SGCZ: variants seen among roughly 807,000 people sequenced by gnomAD.
SGCZ encodes sarcoglycan zeta.
In SGCZ, 40 loss-of-function variants were observed where a neutral mutation model predicts 41.3. The ratio of observed to expected loss-of-function variants is 0.97; its 90% CI spans 0.75 to 1.26. The LOEUF (loss-of-function observed/expected upper bound fraction) is 1.26, where lower values mean the gene tolerates loss of function less well. SGCZ is among the 50% of genes most tolerant of loss of function. The pLI, the probability that SGCZ is intolerant of heterozygous loss-of-function variation, is 0.00. For synonymous variants in SGCZ, 206 were observed against 137.5 expected (o/e 1.50, Z -3.49); for missense variants, 552 against 369.8 (o/e 1.49, Z -4.04).
intron 1 of SGCZ, among the ~76,000 whole-genome samples, chr8:14,989,987 G>A (rs1371477727): frequency 1.3e-5 from 2 of 152,112 alleles, no homozygotes; most frequent in African/African-American, 4.8e-5. Context: ...GCATGACTGA[G>A]GCACTATTAA....
At chr8:14,473,992 G>T (rs184555673) in intron 2 of SGCZ, among the ~76,000 whole-genome samples, 2 of 151,876 alleles carry the variant, frequency 1.3e-5, no homozygotes, top group Admixed American at 1.3e-4. Context: ...ATACCCCATG[G>T]GTACTAGTTT....
intron 1 of SGCZ, among the ~76,000 whole-genome samples, chr8:14,695,448 T>C (rs1393166557): frequency 1.3e-5 from 2 of 152,228 alleles, no homozygotes; most frequent in East Asian, 1.9e-4. Context: ...AAAAGTACCA[T>C]GTAAGAGGAT....
intron 1 of SGCZ, among the ~76,000 whole-genome samples, chr8:14,577,676 C>T (rs141493260): frequency 0.026 from 3,990 of 152,164 alleles, 180 homozygotes; most frequent in African/African-American, 0.091. Context: ...CCGTGAGCCA[C>T]GGCGCCTGGC....
At chr8:14,870,039 A>ATGGTGGGGT (rs1804088130) in intron 1 of SGCZ, among the ~76,000 whole-genome samples, 2 of 152,194 alleles carry the variant, frequency 1.3e-5, no homozygotes, top group African/African-American at 2.4e-5. Context: ...ATCCCCATCA[A>ATGGTGGGGT]GCTACCATTG....
intron 1 of SGCZ, among the ~76,000 whole-genome samples, chr8:15,076,388 G>C (rs1585537713): frequency 6.6e-6 from 1 of 152,080 alleles, no homozygotes; most frequent in South Asian, 2.1e-4. Flanking sequence ...AGAGAGAAAA[G>C]GAGAGAAAAC....
At chr8:14,622,864 A>AT (rs1362533791) in intron 1 of SGCZ, among the ~76,000 whole-genome samples, 2 of 152,186 alleles carry the variant, frequency 1.3e-5, no homozygotes, top group African/African-American at 2.4e-5. Flanking sequence ...ATGACAATTC[A>AT]TTTTTTAATA....
At chr8:14,418,217 A>C (rs148349710) in intron 2 of SGCZ, among the ~76,000 whole-genome samples, 3 of 152,012 alleles carry the variant, frequency 2.0e-5, no homozygotes, top group African/African-American at 7.2e-5. Context: ...ATTTGTTGTC[A>C]CTTTAAAGTA....
chr8:14,216,084 T>C (rs1436161031), intron 4 of SGCZ, among the ~76,000 whole-genome samples: 3 of 152,220 alleles, frequency 2.0e-5, no homozygotes, highest in African/African-American at 7.2e-5. Flanking sequence ...AACACATTTG[T>C]GGAAAATTAA....
Position 14,820,088 on chromosome 8 carries a change from G to GA in SGCZ, c.40-265163dup, listed in dbSNP as rs565609052. Reference sequence around the variant, plus strand: ...ATAAGGTATAGAGTGGCTAAATGGAGAAAAAATGGAGAAAAAATTAGACCT... The same window carrying GA: ...ATAAGGTATAGAGTGGCTAAATGGAGAAAAAAATGGAGAAAAAATTAGACCT... On this transcript the variant is annotated intron_variant, in intron 1 of 7. Coordinates refer to ENST00000382080, the MANE Select transcript of SGCZ (RefSeq NM_139167.4). Among the ~76,000 whole-genome samples, 37 of 151,194 alleles carry GA rather than the reference G, an allele frequency of 2.4e-4. 1 individual carries two copies. Among genetic ancestry groups the GA allele is most frequent in the African/African-American group, 7.6e-4 (31 of 40,868 alleles).
intron 1 of SGCZ, among the ~76,000 whole-genome samples, chr8:15,021,633 C>T (rs1456093497): frequency 6.6e-6 from 1 of 152,210 alleles, no homozygotes; most frequent in African/African-American, 2.4e-5. Context: ...ACACTACTCA[C>T]CCTGCGTGGG....
chr8:14,726,378 C>T (rs1810058505), intron 1 of SGCZ, among the ~76,000 whole-genome samples: 1 of 138,902 alleles, frequency 7.2e-6, no homozygotes, highest in South Asian at 2.3e-4. Flanking sequence ...AGTTACATGA[C>T]AGACAAATTA....
intron 1 of SGCZ, among the ~76,000 whole-genome samples, chr8:14,586,137 C>T (rs1563133820): frequency 6.6e-6 from 1 of 152,244 alleles, no homozygotes; most frequent in East Asian, 1.9e-4. Context: ...TCATCGTTGT[C>T]TTAGATTTCA....
At chr8:14,483,498 G>A (rs1306503147) in intron 2 of SGCZ, among the ~76,000 whole-genome samples, 1 of 152,200 alleles carries the variant, frequency 6.6e-6, no homozygotes, top group Non-Finnish European at 1.5e-5. Context: ...TTGAGCCCAG[G>A]AAGTCAAGGC....
chr8:14,784,445 T>C (rs1800689249), intron 1 of SGCZ, among the ~76,000 whole-genome samples: 1 of 152,094 alleles, frequency 6.6e-6, no homozygotes, highest in Non-Finnish European at 1.5e-5. Flanking sequence ...GTTTTTGTCA[T>C]ACTTAAAAAA....
At chr8:14,775,545 A>C (rs184699626) in intron 1 of SGCZ, among the ~76,000 whole-genome samples, 82 of 151,934 alleles carry the variant, frequency 5.4e-4, no homozygotes, top group African/African-American at 1.8e-3. Flanking sequence ...TACAAAATAT[A>C]CTGGTTCCAC....
intron 1 of SGCZ, among the ~76,000 whole-genome samples, chr8:14,829,673 C>CTATTTTCTTACG (rs1266773156): frequency 6.7e-6 from 1 of 149,198 alleles, no homozygotes; most frequent in Non-Finnish European, 1.5e-5. Context: ...TCCGTTTCTT[C>CTATTTTCTTACG]TATTTTCTTA....
intron 4 of SGCZ, among the ~76,000 whole-genome samples, chr8:14,180,642 G>A (rs1412866487): frequency 6.6e-6 from 1 of 152,046 alleles, no homozygotes; most frequent in Non-Finnish European, 1.5e-5. Flanking sequence ...TCTCCCTAAA[G>A]GGATACAAAC....
intron 1 of SGCZ, among the ~76,000 whole-genome samples, chr8:14,874,585 T>C (rs1804278846): frequency 6.6e-6 from 1 of 152,126 alleles, no homozygotes; most frequent in African/African-American, 2.4e-5. Flanking sequence ...AATATGTAGA[T>C]TCTCTTCTAA....
rs549818305 is a variant in SGCZ, at chr8:14,852,006, G to T, written c.40-297080C>A. ...TTGACCTTTGTTTTTTTCCTTTCTAGGAAACAAACTTTAGCAATCAACTTG... is the reference window on the plus strand; with the variant it reads ...TTGACCTTTGTTTTTTTCCTTTCTATGAAACAAACTTTAGCAATCAACTTG... On this transcript the variant is annotated intron_variant, in intron 1 of 7. Transcript: ENST00000382080. Among the ~76,000 whole-genome samples, 22 of 152,158 alleles carry T rather than the reference G, an allele frequency of 1.4e-4. No homozygotes were observed. The South Asian group carries it at 2.9e-3, about 20-fold the overall frequency.
Sources: allele counts gnomAD v4.1 joint callset (sites outside exome capture counted in the v4.1 genomes callset), GRCh38; gene constraint gnomAD v4.1.1; transcripts MANE v1.5; gene names NCBI Gene and HGNC (gene_info 2026-07-23, HGNC 2026-07-21).